Variants in DOK6 observed in about 807,000 individuals in gnomAD.
The protein encoded by DOK6 is downstream of tyrosine kinase 6.
A neutral mutation model predicts 44.0 loss-of-function variants in DOK6; 22 were observed. That is an observed-to-expected ratio of 0.50 (90% confidence interval 0.36 to 0.71). The LOEUF is 0.71. Ranked by LOEUF, DOK6 falls within the 30% of genes least tolerant of loss-of-function variation. The pLI is 0.00. For synonymous variants in DOK6, 166 were observed against 145.5 expected, an observed-to-expected ratio of 1.14 and a Z score of -1.01; for missense variants, 340 against 416.4, an observed-to-expected ratio of 0.82 and a Z score of 1.60.
intron 1 of DOK6, among the ~76,000 whole-genome samples, chr18:69,432,320 T>A (rs1978828885): frequency 6.6e-6 from 1 of 152,156 alleles, no homozygotes; most frequent in South Asian, 2.1e-4. Context: ...GGTATACATC[T>A]GTAGTCCCAG....
chr18:69,705,209 T>C (rs934995932), intron 5 of DOK6: 1 of 152,226 alleles, frequency 6.6e-6, no homozygotes, highest in African/African-American at 2.4e-5. Context: ...TGAGAAGTTG[T>C]AGTAGAGATC....
chr18:69,577,288 G>A (rs777545070), intron 2 of DOK6, among the ~76,000 whole-genome samples: 4 of 152,114 alleles, frequency 2.6e-5, no homozygotes, highest in South Asian at 2.1e-4. Context: ...ACGAAGAAAC[G>A]GCCCTATGCT....
At chr18:69,700,799 G>A (rs1986502668) in intron 5 of DOK6, among the ~76,000 whole-genome samples, 1 of 152,138 alleles carries the variant, frequency 6.6e-6, no homozygotes, top group Non-Finnish European at 1.5e-5. Context: ...CCTGGGTCTG[G>A]ACTGATGGGG....
intron 1 of DOK6, among the ~76,000 whole-genome samples, chr18:69,533,834 C>A (rs759552742): frequency 6.6e-6 from 1 of 151,978 alleles, no homozygotes; most frequent in African/African-American, 2.4e-5. Context: ...TTTTAAATGT[C>A]ATTTATATCA....
intron 2 of DOK6, among the ~76,000 whole-genome samples, chr18:69,565,509 GTGTGTGTGTGTGTATA>G (rs199542923): frequency 0.14 from 8,023 of 57,282 alleles, 348 homozygotes; most frequent in East Asian, 0.27. Flanking sequence ...GTGTGTGTGT[GTGTGTGTGTGTGTATA>G]TATATATACA....
intron 4 of DOK6, among the ~76,000 whole-genome samples, chr18:69,691,345 C>A (rs1194921068): frequency 1.3e-5 from 2 of 151,988 alleles, no homozygotes; most frequent in African/African-American, 4.8e-5. Context: ...CATTGAAAGT[C>A]TTTTATAGGA....
chr18:69,654,402 T>C lies in DOK6; in HGVS notation c.290-23332T>C, dbSNP rs936903743. On this transcript the variant is annotated intron_variant, in intron 3 of 7. Transcript: ENST00000382713. ...TGCAGACACAGACACACACACACAA[T>C]TGTAAACTTCTCTGGGGCAGGAAAT... Among the ~76,000 whole-genome samples, 3 of 152,214 alleles carry C rather than the reference T, an allele frequency of 2.0e-5. No individual in the cohort carries two copies. The South Asian group carries it at 6.2e-4, about 32-fold the overall frequency.
chr18:69,401,122 G>A lies in DOK6; in HGVS notation c.-123G>A. ...ACCGGCGGGAGCTCGGGGAAGAGCG[G>A]GCGGCGGCGCTGCTGCTGGCGGCGG... On this transcript the variant is annotated 5_prime_UTR_variant, in exon 1 of 8. Coordinates refer to ENST00000382713, the MANE Select transcript of DOK6 (RefSeq NM_152721.6). 1 of 979,352 alleles carries A rather than the reference G, an allele frequency of 1.0e-6. No homozygotes were observed. The highest frequency in any genetic ancestry group is 1.4e-6 in the Non-Finnish European group (1 of 738,718). 60.7% of individuals were successfully genotyped at this position (979,352 alleles called of 1,614,324 possible). A position where few individuals can be genotyped will look rare whatever the true frequency, so the allele number is the denominator to read the frequency against.
chr18:69,632,796 T>C (rs1984718562), intron 3 of DOK6, among the ~76,000 whole-genome samples: 1 of 152,240 alleles, frequency 6.6e-6, no homozygotes, highest in Non-Finnish European at 1.5e-5. Flanking sequence ...AGAAGCATCA[T>C]TTGGAGCAAG....
intron 7 of DOK6, among the ~76,000 whole-genome samples, chr18:69,816,553 A>T (rs933436693): frequency 6.6e-6 from 1 of 152,212 alleles, no homozygotes; most frequent in African/African-American, 2.4e-5. Flanking sequence ...CACGATAAAC[A>T]TAAATATTAT....
intron 5 of DOK6, among the ~76,000 whole-genome samples, chr18:69,736,561 A>G (rs1443212398): frequency 6.6e-6 from 1 of 152,214 alleles, no homozygotes; most frequent in African/African-American, 2.4e-5. Flanking sequence ...AGTCAGGACA[A>G]ACACACGTCA....
chr18:69,726,693 T>C (rs1978309975), intron 5 of DOK6, among the ~76,000 whole-genome samples: 1 of 151,898 alleles, frequency 6.6e-6, no homozygotes, highest in African/African-American at 2.4e-5. Context: ...ATATTTTTTT[T>C]CTCACAGTTC....
intron 3 of DOK6, among the ~76,000 whole-genome samples, chr18:69,621,436 C>G (rs1355005209): frequency 1.3e-5 from 2 of 152,050 alleles, no homozygotes; most frequent in Non-Finnish European, 1.5e-5. Context: ...TTCTCCTTCT[C>G]TTTTAAAATT....
intron 3 of DOK6, among the ~76,000 whole-genome samples, chr18:69,637,410 T>C (rs1984834616): frequency 6.6e-6 from 1 of 152,240 alleles, no homozygotes; most frequent in African/African-American, 2.4e-5. Context: ...TTTATCCTTA[T>C]TTAATTCAGT....
intron 3 of DOK6, among the ~76,000 whole-genome samples, chr18:69,603,129 G>A (rs775594362): frequency 1.3e-5 from 2 of 152,152 alleles, no homozygotes; most frequent in East Asian, 1.9e-4. Context: ...TTCTTTTAGC[G>A]AACTGAGCAC....
At chr18:69,490,183 G>T (rs1568274583) in intron 1 of DOK6, among the ~76,000 whole-genome samples, 1 of 152,144 alleles carries the variant, frequency 6.6e-6, no homozygotes, top group African/African-American at 2.4e-5. Flanking sequence ...ATGGGTGAAT[G>T]CTCTGTTTGC....
intron 1 of DOK6, among the ~76,000 whole-genome samples, chr18:69,527,335 G>C (rs769731430): frequency 6.6e-6 from 1 of 152,208 alleles, no homozygotes; most frequent in Admixed American, 6.5e-5. Flanking sequence ...AGTTCTAAAT[G>C]GCTAGGGAGG....
At chr18:69,768,579 A>AAAATACAAAACT (rs1979789370) in intron 7 of DOK6, among the ~76,000 whole-genome samples, 1 of 150,502 alleles carries the variant, frequency 6.6e-6, no homozygotes, top group African/African-American at 2.4e-5. Flanking sequence ...GGTTCAATAC[A>AAAATACAAAACT]TGTATTTTGA....
At chr18:69,507,319 G>A (rs1190103452) in intron 1 of DOK6, among the ~76,000 whole-genome samples, 1 of 152,098 alleles carries the variant, frequency 6.6e-6, no homozygotes, top group African/African-American at 2.4e-5. Flanking sequence ...GAGCCACCGT[G>A]CCCAGCCGGT....
Sources: allele counts gnomAD v4.1 joint callset (sites outside exome capture counted in the v4.1 genomes callset), GRCh38; gene constraint gnomAD v4.1.1; transcripts MANE v1.5; gene names NCBI Gene and HGNC (gene_info 2026-07-23, HGNC 2026-07-21).